The following NRXN1 variants were observed in gnomAD, a reference collection of about 807,000 sequenced individuals.
The protein encoded by NRXN1 is neurexin 1.
A neutral mutation model predicts 150.9 loss-of-function variants in NRXN1; 39 were observed. The observed-to-expected ratio is 0.26, with a 90% CI of 0.20 to 0.34. The LOEUF (loss-of-function observed/expected upper bound fraction) is 0.34, where lower values mean the gene tolerates loss of function less well. NRXN1 is among the 10% of genes least tolerant of loss of function. NRXN1 has a pLI of 1.00. For synonymous variants in NRXN1, 924 were observed against 757.0 expected, an observed-to-expected ratio of 1.22 and a Z score of -3.62; for missense variants, 1,815 against 1,949.9, an observed-to-expected ratio of 0.93 and a Z score of 1.30.
chr2:50,744,724 G>A (rs952998098), intron 5 of NRXN1, among the ~76,000 whole-genome samples: 2 of 152,080 alleles, frequency 1.3e-5, no homozygotes, highest in East Asian at 1.9e-4. Context: ...CTGAGCTTTA[G>A]ATTGTGAATA....
intron 2 of NRXN1, among the ~76,000 whole-genome samples, chr2:51,012,562 A>G (rs1225708960): frequency 1.3e-5 from 2 of 152,020 alleles, no homozygotes; most frequent in Non-Finnish European, 2.9e-5. Flanking sequence ...GGATGCCTGA[A>G]TTGTTTAGAC....
At chr2:50,449,716 A>G (rs1312093937) in intron 17 of NRXN1, among the ~76,000 whole-genome samples, 1 of 152,208 alleles carries the variant, frequency 6.6e-6, no homozygotes, top group African/African-American at 2.4e-5. Context: ...AAATTACTTC[A>G]TAAATTGTCC....
chr2:50,729,710 G>A (rs1233595342), intron 5 of NRXN1, among the ~76,000 whole-genome samples: 1 of 152,064 alleles, frequency 6.6e-6, no homozygotes, highest in African/African-American at 2.4e-5. Flanking sequence ...CCTCCCTCGG[G>A]GACTGGGTAG....
intron 17 of NRXN1, among the ~76,000 whole-genome samples, chr2:50,349,170 G>C (rs1040946048): frequency 2.6e-5 from 4 of 152,066 alleles, no homozygotes; most frequent in African/African-American, 7.2e-5. Flanking sequence ...GATACTAAAA[G>C]ATAATTCTTC....
chr2:51,014,706 C>T (rs923774556), intron 2 of NRXN1, among the ~76,000 whole-genome samples: 1 of 151,980 alleles, frequency 6.6e-6, no homozygotes, highest in African/African-American at 2.4e-5. Context: ...TTGTGAATTT[C>T]TAGTGCGTGA....
chr2:50,322,270 A>T (rs1294485054), intron 17 of NRXN1, among the ~76,000 whole-genome samples: 1 of 152,162 alleles, frequency 6.6e-6, no homozygotes, highest in African/African-American at 2.4e-5. Context: ...AGAACAAACA[A>T]CAACAACAAA....
intron 17 of NRXN1, among the ~76,000 whole-genome samples, chr2:50,400,169 A>G (rs1425878218): frequency 2.0e-5 from 3 of 152,140 alleles, no homozygotes; most frequent in East Asian, 1.9e-4. Context: ...TTGCTGATAT[A>G]AAACATTAAT....
chr2:50,551,693 G>A (rs575860116), intron 9 of NRXN1, among the ~76,000 whole-genome samples: 6 of 152,160 alleles, frequency 3.9e-5, no homozygotes, highest in South Asian at 4.1e-4. Flanking sequence ...ATGGGAGCCC[G>A]GGGTGAAGGG....
At chr2:50,355,630 T>G (rs926651281) in intron 17 of NRXN1, among the ~76,000 whole-genome samples, 11 of 152,172 alleles carry the variant, frequency 7.2e-5, no homozygotes, top group African/African-American at 2.7e-4. Context: ...ACTTCCTTCG[T>G]CTCTTAGTAT....
In NRXN1 at chr2:50,684,702, T is replaced by C. The variant is rs1690959508; in HGVS notation, c.833-61087A>G. The stretch of plus-strand genomic sequence containing the variant: ...GCATGGATTATTTAATACCCGTCAA[T>C]TGTAGATTATGACAAACATAAAGAG... On this transcript the variant is annotated intron_variant, in intron 5 of 22. Coordinates refer to ENST00000401669, the MANE Select transcript of NRXN1 (RefSeq NM_001330078.2). Among the ~76,000 whole-genome samples the C allele has an allele frequency of 2.0e-5, 3 of 152,252 alleles. No homozygotes were observed. The South Asian group carries it at 6.2e-4, about 32-fold the overall frequency.
At chr2:50,481,407 A>G (rs1019377200) in intron 15 of NRXN1, among the ~76,000 whole-genome samples, 1 of 152,266 alleles carries the variant, frequency 6.6e-6, no homozygotes, top group African/African-American at 2.4e-5. Context: ...TTCTTCCATA[A>G]TTATAAATAT....
intron 21 of NRXN1, among the ~76,000 whole-genome samples, chr2:50,041,737 A>G (rs1690999933): frequency 6.6e-6 from 1 of 152,224 alleles, no homozygotes; most frequent in African/African-American, 2.4e-5. Flanking sequence ...ACTGCTTTTT[A>G]TTATTAGAGT....
rs376222810 is a variant in NRXN1, at chr2:49,974,367, C to G, written c.4129-30576G>C. 1.1e-3 allele frequency among the ~76,000 whole-genome samples: 172 copies of G among 152,234 alleles called. 1 individual carries two copies. The highest frequency in any genetic ancestry group is 4.0e-3 in the African/African-American group (165 of 41,544). Reference sequence around the variant, plus strand: ...GTTGCTTTTCAATTTGCTCCCCTAACGAGACCGCATAGGTAAACAGACCTC... The same window carrying G: ...GTTGCTTTTCAATTTGCTCCCCTAAGGAGACCGCATAGGTAAACAGACCTC... On this transcript the variant is annotated intron_variant, in intron 21 of 22. Coordinates refer to ENST00000401669, the MANE Select transcript of NRXN1 (RefSeq NM_001330078.2).
chr2:50,097,197 C>T (rs1414962157), intron 18 of NRXN1, among the ~76,000 whole-genome samples: 20 of 152,190 alleles, frequency 1.3e-4, no homozygotes, highest in Admixed American at 1.3e-3. Flanking sequence ...TGTCTGTTTA[C>T]TATACTCCTA....
intron 2 of NRXN1, among the ~76,000 whole-genome samples, chr2:50,988,633 T>C (rs1253835877): frequency 6.6e-6 from 1 of 151,926 alleles, no homozygotes; most frequent in Non-Finnish European, 1.5e-5. Flanking sequence ...AATGCAACCA[T>C]GTGTTGTACT....
At chr2:50,889,273 G>A (rs1469628013) in intron 5 of NRXN1, among the ~76,000 whole-genome samples, 1 of 151,686 alleles carries the variant, frequency 6.6e-6, no homozygotes, top group Non-Finnish European at 1.5e-5. Flanking sequence ...GACGGGAAGT[G>A]TTCTCTGAGC....
intron 19 of NRXN1, among the ~76,000 whole-genome samples, chr2:50,068,897 C>A (rs1330797074): frequency 6.6e-6 from 1 of 152,146 alleles, no homozygotes; most frequent in East Asian, 1.9e-4. Context: ...ATATCCCGAA[C>A]GTAGGTGCTT....
At chr2:50,514,485 G>A (rs556145859) in intron 12 of NRXN1, among the ~76,000 whole-genome samples, 13 of 152,158 alleles carry the variant, frequency 8.5e-5, no homozygotes, top group Non-Finnish European at 1.6e-4. Context: ...GCCAAATACC[G>A]ATCTCAGCAT....
At chr2:50,810,603 G>A (rs1043566526) in intron 5 of NRXN1, among the ~76,000 whole-genome samples, 1 of 152,054 alleles carries the variant, frequency 6.6e-6, no homozygotes, top group African/African-American at 2.4e-5. Context: ...TCAACTTCCT[G>A]AACACCCTCT....
Sources: allele counts gnomAD v4.1 joint callset (sites outside exome capture counted in the v4.1 genomes callset), GRCh38; gene constraint gnomAD v4.1.1; transcripts MANE v1.5; gene names NCBI Gene and HGNC (gene_info 2026-07-23, HGNC 2026-07-21).